Variants in CNTNAP2 observed in about 807,000 individuals in gnomAD.
CNTNAP2 encodes contactin associated protein 2.
Under a neutral mutation model 155.2 loss-of-function variants are expected in CNTNAP2, and 98 were observed. That is an observed-to-expected ratio of 0.63 (90% CI 0.54 to 0.75). The LOEUF is 0.75. Among genes scored for constraint, CNTNAP2 ranks in the 30% least tolerant of loss-of-function variants. The pLI is 0.00. For synonymous variants in CNTNAP2, 651 were observed against 631.2 expected (o/e 1.03, Z -0.47); for missense variants, 1,727 against 1,688.1 (o/e 1.02, Z -0.40).
intron 14 of CNTNAP2, among the ~76,000 whole-genome samples, chr7:147,977,218 C>T (rs544425956): frequency 1.4e-4 from 22 of 152,200 alleles, no homozygotes; most frequent in African/African-American, 5.3e-4. Context: ...CTTGGGAGAC[C>T]TGAAACAAGA....
intron 1 of CNTNAP2, among the ~76,000 whole-genome samples, chr7:146,265,882 C>T (rs1014710946): frequency 1.3e-5 from 2 of 151,228 alleles, no homozygotes; most frequent in Non-Finnish European, 2.9e-5. Context: ...TGTTTTGTGT[C>T]CCTAAGGGGA....
chr7:147,757,342 TC>T (rs1481259635), intron 13 of CNTNAP2, among the ~76,000 whole-genome samples: 2 of 152,226 alleles, frequency 1.3e-5, no homozygotes, highest in Non-Finnish European at 2.9e-5. Flanking sequence ...ATAAGCTGTT[TC>T]CTTAAAGTAT....
At chr7:147,693,731 G>T (rs144658617) in intron 13 of CNTNAP2, among the ~76,000 whole-genome samples, 2,507 of 151,760 alleles carry the variant, frequency 0.017, 221 homozygotes, top group Admixed American at 0.15. Context: ...TAGTTTTTTT[G>T]TTGTTGTTGT....
intron 1 of CNTNAP2, among the ~76,000 whole-genome samples, chr7:146,215,551 C>A (rs1226548397): frequency 6.6e-6 from 1 of 151,670 alleles, no homozygotes; most frequent in Non-Finnish European, 1.5e-5. Context: ...AATGCCATTC[C>A]AAGAAAGAGG....
At chr7:146,120,078 C>T (rs1298088818) in intron 1 of CNTNAP2, among the ~76,000 whole-genome samples, 1 of 151,692 alleles carries the variant, frequency 6.6e-6, no homozygotes, top group Non-Finnish European at 1.5e-5. Flanking sequence ...TTTTCCAGTG[C>T]AATTATTTTA....
intron 15 of CNTNAP2, among the ~76,000 whole-genome samples, chr7:148,099,873 T>A (rs57627955): frequency 3.6e-5 from 5 of 138,054 alleles, no homozygotes; most frequent in Non-Finnish European, 3.1e-5. Flanking sequence ...TTTTGGTTTT[T>A]TTTTTTTTTT....
At chr7:148,317,055 A>G (rs1233655831) in intron 21 of CNTNAP2, among the ~76,000 whole-genome samples, 2 of 152,192 alleles carry the variant, frequency 1.3e-5, no homozygotes, top group African/African-American at 2.4e-5. Flanking sequence ...AGAAGCAGCA[A>G]TTTAAAAAGT....
intron 14 of CNTNAP2, among the ~76,000 whole-genome samples, chr7:147,917,312 A>G (rs1484597664): frequency 6.6e-6 from 1 of 152,234 alleles, no homozygotes; most frequent in Non-Finnish European, 1.5e-5. Flanking sequence ...AACCATTGAT[A>G]TAGGGCTAGG....
chr7:148,122,074 G>T (rs1253232685), intron 16 of CNTNAP2, among the ~76,000 whole-genome samples: 1 of 152,100 alleles, frequency 6.6e-6, no homozygotes, highest in Non-Finnish European at 1.5e-5. Flanking sequence ...CTCGTTCCAG[G>T]CGTTTTACGT....
rs802558 is a variant in CNTNAP2 at position 146,270,288 on chromosome 7, G to A, written c.97+153315G>A. 6.6e-5 allele frequency among the ~76,000 whole-genome samples: 10 copies of A among 152,090 alleles called. No homozygotes were observed. The South Asian group carries it at 1.5e-3, about 22-fold the overall frequency. ...ATTCAACCATTAATGATTCTTGTCC[G>A]TAAGCACTTAGCACAGTGCTCAACG... is the stretch of plus-strand genomic sequence containing the variant. On this transcript the variant is annotated intron_variant, in intron 1 of 23. Coordinates refer to ENST00000361727, the MANE Select transcript of CNTNAP2 (RefSeq NM_014141.6).
chr7:148,316,063 A>T (rs952474503), intron 21 of CNTNAP2, among the ~76,000 whole-genome samples: 8 of 152,184 alleles, frequency 5.3e-5, no homozygotes, highest in African/African-American at 1.9e-4. Flanking sequence ...AGGGAAGGAA[A>T]AAAAGATAGA....
At chr7:146,507,153 G>A (rs1365523093) in intron 1 of CNTNAP2, among the ~76,000 whole-genome samples, 2 of 152,162 alleles carry the variant, frequency 1.3e-5, no homozygotes, top group African/African-American at 2.4e-5. Context: ...TGGGTAAGTT[G>A]TCCACACAAT....
rs532820418 is a variant in CNTNAP2, at chr7:146,760,409, C to CTTTT, written c.98-13832_98-13829dup. On this transcript the variant is annotated intron_variant, in intron 1 of 23. Coordinates refer to ENST00000361727, the MANE Select transcript of CNTNAP2 (RefSeq NM_014141.6). The stretch of plus-strand genomic sequence containing the variant: ...CACCTCTGTATCATCTCCAATTTAC[C>CTTTT]TTTTTTTTTTTTTTTTTTTTTTTTT... Among the ~76,000 whole-genome samples, 293 of 56,288 alleles carry CTTTT rather than the reference C, an allele frequency of 5.2e-3. 39 individuals carry two copies. The highest frequency in any genetic ancestry group is 0.01 in the African/African-American group (120 of 11,802). 36.9% of individuals were successfully genotyped at this position (56,288 alleles called of 152,430 possible). A position where few individuals can be genotyped will look rare whatever the true frequency, so the allele number is the denominator to read the frequency against.
chr7:147,899,400 G>A (rs2116743800), intron 13 of CNTNAP2, among the ~76,000 whole-genome samples: 1 of 152,216 alleles, frequency 6.6e-6, no homozygotes, highest in African/African-American at 2.4e-5. Flanking sequence ...ACCAGGGGCT[G>A]GGAAGACGGG....
chr7:146,404,131 A>AAAAAC (rs912135143), intron 1 of CNTNAP2, among the ~76,000 whole-genome samples: 2 of 138,968 alleles, frequency 1.4e-5, no homozygotes, highest in African/African-American at 6.1e-5. Context: ...TCTCAAAAAA[A>AAAAAC]AAAAAAAAAA....
At chr7:146,652,124 A>G (rs1269683564) in intron 1 of CNTNAP2, among the ~76,000 whole-genome samples, 1 of 152,174 alleles carries the variant, frequency 6.6e-6, no homozygotes, top group Non-Finnish European at 1.5e-5. Flanking sequence ...GACAGAAAAG[A>G]AAAAAGTTAA....
At chr7:146,192,925 C>T (rs533006148) in intron 1 of CNTNAP2, among the ~76,000 whole-genome samples, 2 of 152,290 alleles carry the variant, frequency 1.3e-5, no homozygotes, top group South Asian at 4.2e-4. Flanking sequence ...GTAAATACAC[C>T]TGTTCCAAAT....
chr7:146,733,980 C>T (rs895554520), intron 1 of CNTNAP2, among the ~76,000 whole-genome samples: 1 of 152,074 alleles, frequency 6.6e-6, no homozygotes, highest in African/African-American at 2.4e-5. Flanking sequence ...TTTCAAGATG[C>T]TGGCTACATT....
At position 146,149,271 on chromosome 7, in the gene CNTNAP2, T is replaced by C. The variant is rs188433119; in HGVS notation, c.97+32298T>C. Among the ~76,000 whole-genome samples, 429 of 152,232 alleles carry C rather than the reference T, an allele frequency of 2.8e-3. 2 individuals are homozygous for C. Among genetic ancestry groups the C allele is most frequent in the African/African-American group, 9.6e-3 (399 of 41,546 alleles). On this transcript the variant is annotated intron_variant, in intron 1 of 23. Transcript: ENST00000361727. ...AAGATTGACAATATGATCCCTACTT[T>C]GTTAGGTGAAGAAAATGACACTTTT...
Sources: gnomAD v4.1 joint callset for allele counts (sites outside exome capture counted in the v4.1 genomes callset) on GRCh38, gnomAD v4.1.1 for gene constraint, MANE v1.5 for transcripts, NCBI Gene and HGNC (gene_info 2026-07-23, HGNC 2026-07-21) for gene names.